Variants in PRRC2C observed in about 807,000 individuals in gnomAD.
PRRC2C encodes proline rich coiled-coil 2C, also known as protein PRRC2C.
A neutral mutation model predicts 317.2 loss-of-function variants in PRRC2C; 72 were observed. The observed-to-expected ratio is 0.23, with a 90% CI of 0.19 to 0.28. The LOEUF (loss-of-function observed/expected upper bound fraction) is 0.28, where lower values mean the gene tolerates loss of function less well. Ranked by LOEUF, PRRC2C falls within the 10% of genes least tolerant of loss-of-function variation. PRRC2C has a pLI of 1.00. For missense variants in PRRC2C, 3,074 were observed against 3,459.7 expected (o/e 0.89, Z 2.80); for synonymous variants, 1,296 against 1,205.9 (o/e 1.07, Z -1.55).
intron 20 of PRRC2C, among the ~76,000 whole-genome samples, chr1:171,564,182 G>A (rs1031782568): frequency 9.9e-5 from 15 of 152,146 alleles, no homozygotes; most frequent in Non-Finnish European, 2.1e-4. Flanking sequence ...GATTATTCTA[G>A]TGAAATAGAA....
intron 18 of PRRC2C, among the ~76,000 whole-genome samples, chr1:171,553,402 CA>C (rs1680702590): frequency 6.6e-6 from 1 of 151,684 alleles, no homozygotes; most frequent in East Asian, 1.9e-4. Flanking sequence ...TTGATCTTTT[CA>C]AAAAACCAGC....
At chr1:171,503,642 A>G (rs1233234406) in intron 1 of PRRC2C, among the ~76,000 whole-genome samples, 1 of 152,088 alleles carries the variant, frequency 6.6e-6, no homozygotes, top group Non-Finnish European at 1.5e-5. Flanking sequence ...TAGCAATTGT[A>G]TTGGATGTGT....
intron 26 of PRRC2C, 58 bp downstream of exon 26, chr1:171,577,695 T>C (rs1192130913): frequency 1.4e-6 from 2 of 1,472,154 alleles, no homozygotes; most frequent in East Asian, 4.6e-5. Flanking sequence ...ACTAAAATGC[T>C]TATTTTTGTC....
chr1:171,489,371 A>C (rs1246920018), intron 1 of PRRC2C, among the ~76,000 whole-genome samples: 1 of 152,268 alleles, frequency 6.6e-6, no homozygotes, highest in Admixed American at 6.5e-5. Context: ...CCAGTGAATC[A>C]GAGCAATATG....
rs1440111599 is a variant in PRRC2C at position 171,589,385 on chromosome 1, A to G, written c.8216A>G (p.Asn2739Ser). The G allele has an allele frequency of 7.8e-7, 1 of 1,285,722 alleles. No homozygotes were observed. Among genetic ancestry groups the G allele is most frequent in the South Asian group, 1.2e-5 (1 of 80,890 alleles). 79.6% of individuals were successfully genotyped at this position (1,285,722 alleles called of 1,614,324 possible). ...QFAPQILSQP[N>S]LVPPLVRAPH... ...TTCACTCAGATTCTCTCCCAGCCTA[A>G]CCTGGTCCCTCCATTGGTAAGAGCC... The change falls in exon 34 of 35, where the codon AAC (asparagine) becomes AGC (serine). Residue 2739 changes from asparagine (N) to serine (S), a missense_variant. By Grantham distance (46) the Asn-to-Ser change is conservative (BLOSUM62 1). Transcript: ENST00000647382.
rs114620246 is a variant in PRRC2C, at chr1:171,570,464, G to A, written c.6652-856G>A. ...GCAGGTGGCCTTTTGGATTATCATA[G>A]CACAGCTGCTTTCAACATGTATGAA... On this transcript the variant is annotated intron_variant, in intron 23 of 34. Coordinates refer to ENST00000647382, the MANE Select transcript of PRRC2C (RefSeq NM_001387844.1). 2.8e-3 allele frequency among the ~76,000 whole-genome samples: 427 copies of A among 152,172 alleles called. 1 individual carries two copies. The highest frequency in any genetic ancestry group is 9.9e-3 in the African/African-American group (412 of 41,542).
intron 29 of PRRC2C, 65 bp downstream of exon 29, chr1:171,584,252 A>T: frequency 7.0e-7 from 1 of 1,437,792 alleles, no homozygotes; most frequent in Middle Eastern, 1.8e-4. Context: ...ATTTTAAGGA[A>T]ACATTTTTAA....
intron 1 of PRRC2C, among the ~76,000 whole-genome samples, chr1:171,492,738 T>TTTTATTTATTTATTTATTTATTTA (rs58061201): frequency 1.3e-3 from 185 of 144,354 alleles, no homozygotes; most frequent in Non-Finnish European, 1.7e-3. Context: ...ATTTTTTTAA[T>TTTTATTTATTTATTTATTTATTTA]TTTATTTATT....
At chr1:171,487,094 G>A (rs1666266041) in intron 1 of PRRC2C, among the ~76,000 whole-genome samples, 1 of 152,146 alleles carries the variant, frequency 6.6e-6, no homozygotes, top group Admixed American at 6.5e-5. Flanking sequence ...TGTTTGCTCT[G>A]CTTAGCTTAT....
At chr1:171,555,171 T>C (rs866045665) in intron 18 of PRRC2C, among the ~76,000 whole-genome samples, 4 of 152,208 alleles carry the variant, frequency 2.6e-5, no homozygotes, top group Non-Finnish European at 5.9e-5. Context: ...CTTTTTACTC[T>C]TTTTTCTCTA....
At chr1:171,543,102 G>C (rs548475241) in intron 16 of PRRC2C, among the ~76,000 whole-genome samples, 2 of 150,970 alleles carry the variant, frequency 1.3e-5, no homozygotes, top group African/African-American at 4.9e-5. Flanking sequence ...GGCCTGGTGC[G>C]GTGGCTCCTG....
chr1:171,528,286 A>ATTTTT (rs60053076), intron 11 of PRRC2C, among the ~76,000 whole-genome samples: 2 of 135,778 alleles, frequency 1.5e-5, no homozygotes. Context: ...CATCAGTGAA[A>ATTTTT]TTTTTTTTTT....
chr1:171,485,972 T>C (rs927807015), intron 1 of PRRC2C, among the ~76,000 whole-genome samples: 3 of 152,122 alleles, frequency 2.0e-5, no homozygotes, highest in Non-Finnish European at 4.4e-5. Flanking sequence ...CCGCCCCATG[T>C]GGTCTGCAGC....
At position 171,492,234 on chromosome 1, in the gene PRRC2C, A is replaced by G. The variant is rs377724330; in HGVS notation, c.-58+6499A>G. Among the ~76,000 whole-genome samples the G allele has an allele frequency of 7.2e-5, 11 of 152,364 alleles. No individual in the cohort carries two copies. The East Asian group carries it at 1.9e-3, about 27-fold the overall frequency. Reference sequence around the variant, plus strand: ...TAGAGTCTTCTGGCATTTTGGAGACAGGGAAATTCTCTTGAAGAAATAACT... The same window carrying G: ...TAGAGTCTTCTGGCATTTTGGAGACGGGGAAATTCTCTTGAAGAAATAACT... On this transcript the variant is annotated intron_variant, in intron 1 of 34. Transcript: ENST00000647382.
At chr1:171,503,850 T>C (rs1669647419) in intron 1 of PRRC2C, among the ~76,000 whole-genome samples, 1 of 152,124 alleles carries the variant, frequency 6.6e-6, no homozygotes, top group African/African-American at 2.4e-5. Context: ...CAAAGCTGCG[T>C]CTTACATGGC....
intron 1 of PRRC2C, among the ~76,000 whole-genome samples, chr1:171,502,111 C>T (rs927001961): frequency 2.0e-5 from 3 of 152,174 alleles, no homozygotes; most frequent in African/African-American, 7.2e-5. Flanking sequence ...TTAGAATAAA[C>T]TCAAGGATAA....
At chr1:171,589,739 C>A in intron 34 of PRRC2C, 134 bp downstream of exon 34, 1 of 453,126 alleles carries the variant, frequency 2.2e-6, no homozygotes, top group South Asian at 2.5e-5. Flanking sequence ...TACTTTTATT[C>A]ATTCCCCCTT....
At chr1:171,499,977 A>T (rs781272357) in intron 1 of PRRC2C, among the ~76,000 whole-genome samples, 1 of 152,204 alleles carries the variant, frequency 6.6e-6, no homozygotes, top group Non-Finnish European at 1.5e-5. Context: ...TTATTTCCTG[A>T]TTTACAAATG....
intron 1 of PRRC2C, among the ~76,000 whole-genome samples, chr1:171,501,863 G>A (rs1004723853): frequency 1.3e-5 from 2 of 152,234 alleles, no homozygotes; most frequent in African/African-American, 4.8e-5. Context: ...TTACTTAAAT[G>A]TGGTTATGCT....
Sources: gnomAD v4.1 joint callset for allele counts (sites outside exome capture counted in the v4.1 genomes callset) on GRCh38, gnomAD v4.1.1 for gene constraint, MANE v1.5 for transcripts, NCBI Gene and HGNC (gene_info 2026-07-23, HGNC 2026-07-21) for gene names.